SENP7: variants seen among roughly 807,000 people sequenced by gnomAD.
SENP7 encodes SUMO specific peptidase 7.
SENP7 carries 64 observed loss-of-function variants against 141.2 expected under a neutral mutation model. The observed-to-expected ratio is 0.45, with a 90% CI of 0.37 to 0.56. The LOEUF (loss-of-function observed/expected upper bound fraction) is 0.56, where lower values mean the gene tolerates loss of function less well. SENP7 is among the 20% of genes least tolerant of loss of function. SENP7 has a pLI of 0.00. For missense variants in SENP7, 1,025 were observed against 1,212.2 expected, an observed-to-expected ratio of 0.85 and a Z score of 2.29; for synonymous variants, 382 against 426.4, an observed-to-expected ratio of 0.90 and a Z score of 1.28.
intron 4 of SENP7, chr3:101,457,871 C>CA: frequency 2.1e-6 from 1 of 485,346 alleles, no homozygotes. Context: ...GTGAAGCATG[C>CA]AAAGTCTTCA....
At chr3:101,336,542 A>G (rs2059190016) in intron 17 of SENP7, among the ~76,000 whole-genome samples, 1 of 152,232 alleles carries the variant, frequency 6.6e-6, no homozygotes, top group African/African-American at 2.4e-5. Context: ...AAAAATTGGG[A>G]TACAGTTTAT....
chr3:101,364,929 G>T lies in SENP7; in HGVS notation c.1381C>A (p.Gln461Lys). The change falls in exon 10 of 24, where the codon CAA becomes AAA. Residue 461 changes from glutamine to lysine, a missense_variant. Gln to Lys is a moderately conservative substitution (Grantham distance 53, BLOSUM62 1). Coordinates refer to ENST00000394095, the MANE Select transcript of SENP7 (RefSeq NM_020654.5). ...GTTGTCTCACGGTCTTGCTTAGATT[G>T]TAACTTAAGAATTTCTGAACTTTTA... ...EHKSSEILKL[Q>K]SKQDRETTNE... 1 of 1,594,458 alleles carries T rather than the reference G, an allele frequency of 6.3e-7. No homozygotes were observed. The highest frequency in any genetic ancestry group is 1.1e-5 in the South Asian group (1 of 86,976).
chr3:101,498,458 T>A (rs1322346230), intron 2 of SENP7, among the ~76,000 whole-genome samples: 1 of 152,094 alleles, frequency 6.6e-6, no homozygotes, highest in Non-Finnish European at 1.5e-5. Context: ...GTCATAACCT[T>A]AATCTAATCT....
rs568601412 is a variant in SENP7, at chr3:101,363,692, G to C, written c.1476+1142C>G. Among the ~76,000 whole-genome samples, 9 of 152,178 alleles carry C rather than the reference G, an allele frequency of 5.9e-5. No individual in the cohort carries two copies. The South Asian group carries it at 1.9e-3, about 32-fold the overall frequency. ...ATGGTTACATTTTTGCAAAAATTCA[G>C]AACAAAGCTGCTGAGGTGATTTCTA... On this transcript the variant is annotated intron_variant, in intron 10 of 23. Coordinates refer to ENST00000394095, the MANE Select transcript of SENP7 (RefSeq NM_020654.5).
chr3:101,505,217 G>A (rs993370652), intron 1 of SENP7, among the ~76,000 whole-genome samples: 1 of 152,114 alleles, frequency 6.6e-6, no homozygotes, highest in Admixed American at 6.6e-5. Context: ...AGTGCAGTGA[G>A]GGATAAGAAA....
chr3:101,502,452 G>A (rs908255613), intron 1 of SENP7, among the ~76,000 whole-genome samples: 3 of 152,094 alleles, frequency 2.0e-5, no homozygotes, highest in African/African-American at 4.8e-5. Flanking sequence ...ACAGGTATGC[G>A]CCACCATGCC....
At chr3:101,510,778 G>A (rs2065820217) in intron 1 of SENP7, among the ~76,000 whole-genome samples, 1 of 148,240 alleles carries the variant, frequency 6.7e-6, no homozygotes, top group African/African-American at 2.5e-5. Flanking sequence ...GCTTGAACCT[G>A]GGAGGCAGGG....
At chr3:101,384,427 G>T (rs2060593978) in intron 6 of SENP7, among the ~76,000 whole-genome samples, 2 of 152,248 alleles carry the variant, frequency 1.3e-5, no homozygotes, top group Admixed American at 6.5e-5. Flanking sequence ...CCTAGCCAGG[G>T]CTGTGACACC....
chr3:101,410,810 A>G (rs2061434550), intron 5 of SENP7, among the ~76,000 whole-genome samples: 1 of 143,300 alleles, frequency 7.0e-6, no homozygotes, highest in African/African-American at 2.6e-5. Context: ...GCGCCACTGC[A>G]CTCTAGCCTG....
intron 6 of SENP7, among the ~76,000 whole-genome samples, chr3:101,379,566 C>T (rs1264139981): frequency 1.3e-5 from 2 of 152,090 alleles, no homozygotes; most frequent in Admixed American, 6.5e-5. Flanking sequence ...AAATGGCCAA[C>T]AACACGAAAA....
chr3:101,491,549 C>T (rs1190812167), intron 3 of SENP7, among the ~76,000 whole-genome samples: 2 of 152,202 alleles, frequency 1.3e-5, no homozygotes, highest in Non-Finnish European at 2.9e-5. Flanking sequence ...TGAGCCACCA[C>T]ACACAGCCCA....
chr3:101,396,298 A>G (rs1052975832), intron 6 of SENP7, among the ~76,000 whole-genome samples: 1 of 152,230 alleles, frequency 6.6e-6, no homozygotes, highest in Non-Finnish European at 1.5e-5. Flanking sequence ...TAGCCCCAGA[A>G]TGGCATAAAG....
chr3:101,443,207 A>G (rs1190231939), intron 4 of SENP7, among the ~76,000 whole-genome samples: 1 of 152,126 alleles, frequency 6.6e-6, no homozygotes, highest in Non-Finnish European at 1.5e-5. Context: ...TAAATAGGGA[A>G]TCCTTTCCCC....
At chr3:101,352,378 TG>T (rs1171380440) in intron 11 of SENP7, among the ~76,000 whole-genome samples, 1 of 152,050 alleles carries the variant, frequency 6.6e-6, no homozygotes, top group African/African-American at 2.4e-5. Context: ...CTTCCCTGGA[TG>T]ACTTTTAGGT....
intron 5 of SENP7, among the ~76,000 whole-genome samples, chr3:101,408,702 T>C (rs1259152790): frequency 6.6e-6 from 1 of 152,156 alleles, no homozygotes; most frequent in Non-Finnish European, 1.5e-5. Flanking sequence ...CCTCAATCGA[T>C]GCAGAAAAAT....
chr3:101,429,819 T>C (rs1361792241), intron 4 of SENP7, among the ~76,000 whole-genome samples: 1 of 152,104 alleles, frequency 6.6e-6, no homozygotes, highest in South Asian at 2.1e-4. Context: ...TGATATTGGC[T>C]GTGGGTTTGT....
chr3:101,466,915 A>T (rs981797951), intron 3 of SENP7, among the ~76,000 whole-genome samples: 1 of 152,094 alleles, frequency 6.6e-6, no homozygotes, highest in Non-Finnish European at 1.5e-5. Context: ...GAGTCAGGGG[A>T]CTTCCCTTTC....
Position 101,362,010 on chromosome 3 carries a change from C to A in SENP7, c.1477-149G>T, listed in dbSNP as rs552795112. ...GTTCTTACTGTGAAGAAATAGCTAT[C>A]TAGATTTTTTTTCTGAAAAAATATA... On this transcript the variant is annotated intron_variant, in intron 10 of 23. Transcript: ENST00000394095. The A allele has an allele frequency of 1.3e-5, 11 of 877,860 alleles. 1 individual carries two copies. In the South Asian group the frequency reaches 2.9e-4, roughly 23 times the overall value. 54.4% of individuals were successfully genotyped at this position (877,860 alleles called of 1,614,324 possible).
At chr3:101,507,315 T>A (rs1056222719) in intron 1 of SENP7, among the ~76,000 whole-genome samples, 1 of 152,208 alleles carries the variant, frequency 6.6e-6, no homozygotes, top group African/African-American at 2.4e-5. Flanking sequence ...ATTCTCTGTG[T>A]TACCATACCC....
Sources: allele counts gnomAD v4.1 joint callset (sites outside exome capture counted in the v4.1 genomes callset), GRCh38; gene constraint gnomAD v4.1.1; transcripts MANE v1.5; gene names NCBI Gene and HGNC (gene_info 2026-07-23, HGNC 2026-07-21).